ANXA2: variants seen among roughly 807,000 people sequenced by gnomAD.
ANXA2 encodes the protein annexin A2.
Under a neutral mutation model 47.3 loss-of-function variants are expected in ANXA2, and 28 were observed. The observed-to-expected ratio is 0.59, with a 90% confidence interval of 0.44 to 0.81. The LOEUF is 0.81. ANXA2 is among the 40% of genes least tolerant of loss of function. The pLI, the probability that ANXA2 is intolerant of heterozygous loss-of-function variation, is 0.00. For missense variants in ANXA2, 384 were observed against 414.3 expected (o/e 0.93, Z 0.64); for synonymous variants, 172 against 155.5 (o/e 1.11, Z -0.79).
intron 10 of ANXA2, 110 bp downstream of exon 10, chr15:60,351,614 C>T (rs142587777): frequency 2.7e-6 from 2 of 747,372 alleles, no homozygotes; most frequent in East Asian, 4.9e-5. Context: ...CTATCCAAAG[C>T]ATGCATAGAA....
chr15:60,351,560 CTTCAGT>C, intron 10 of ANXA2, 158 bp downstream of exon 10: 1 of 635,672 alleles, frequency 1.6e-6, no homozygotes, highest in South Asian at 2.0e-5. Flanking sequence ...TTAGGCCTTT[CTTCAGT>C]TTTATATTCT....
intron 3 of ANXA2, among the ~76,000 whole-genome samples, chr15:60,365,797 G>A (rs2062586545): frequency 1.3e-5 from 2 of 150,366 alleles, no homozygotes; most frequent in East Asian, 2.0e-4. Flanking sequence ...GAGTAGCCAA[G>A]GTAAACATAG....
At chr15:60,360,882 G>T in intron 5 of ANXA2, 59 bp downstream of exon 5, 1 of 1,079,120 alleles carries the variant, frequency 9.3e-7, no homozygotes, top group Non-Finnish European at 1.4e-6. Flanking sequence ...CACTCAGAAA[G>T]CTGTAATTCA....
At chr15:60,372,087 T>A (rs1421940580) in intron 3 of ANXA2, among the ~76,000 whole-genome samples, 3 of 152,114 alleles carry the variant, frequency 2.0e-5, no homozygotes, top group Admixed American at 2.0e-4. Flanking sequence ...AGACAGAGGT[T>A]GAGGTGAGCC....
At chr15:60,354,745 G>A (rs1024500451) in intron 7 of ANXA2, among the ~76,000 whole-genome samples, 8 of 152,032 alleles carry the variant, frequency 5.3e-5, no homozygotes, top group Admixed American at 2.0e-4. Flanking sequence ...TCCCCCCCTT[G>A]ATACCCAGTC....
intron 3 of ANXA2, among the ~76,000 whole-genome samples, chr15:60,372,704 T>C (rs925663583): frequency 6.6e-6 from 1 of 151,434 alleles, no homozygotes; most frequent in Admixed American, 6.6e-5. Context: ...TTTTTTTTTT[T>C]TTTTTTTTAA....
intron 1 of ANXA2, among the ~76,000 whole-genome samples, chr15:60,397,540 T>G (rs1376922601): frequency 6.6e-6 from 1 of 152,150 alleles, no homozygotes; most frequent in Non-Finnish European, 1.5e-5. Context: ...AAAGCCCACT[T>G]GCTACTGCTG....
At chr15:60,351,682 G>T in intron 10 of ANXA2, 42 bp downstream of exon 10, 1 of 1,317,662 alleles carries the variant, frequency 7.6e-7, no homozygotes, top group Non-Finnish European at 1.1e-6. Flanking sequence ...CTTCTGCTCT[G>T]GTAGCTGATG....
At chr15:60,374,905 A>T (rs924595792) in intron 3 of ANXA2, among the ~76,000 whole-genome samples, 2 of 152,214 alleles carry the variant, frequency 1.3e-5, no homozygotes, top group Non-Finnish European at 2.9e-5. Context: ...GGGCTACGTG[A>T]GTCACAGAAG....
At chr15:60,394,190 A>G (rs1027887156) in intron 1 of ANXA2, among the ~76,000 whole-genome samples, 2 of 152,210 alleles carry the variant, frequency 1.3e-5, no homozygotes, top group Non-Finnish European at 2.9e-5. Flanking sequence ...GCAAGAAGGC[A>G]GCAAAGAGGC....
At chr15:60,375,349 C>A (rs2062762241) in intron 3 of ANXA2, among the ~76,000 whole-genome samples, 1 of 152,076 alleles carries the variant, frequency 6.6e-6, no homozygotes, top group Non-Finnish European at 1.5e-5. Context: ...AGAGAGAGAC[C>A]AAAGCTGTAC....
intron 2 of ANXA2, chr15:60,383,200 C>G (rs966051350): frequency 6.6e-6 from 1 of 152,380 alleles, no homozygotes; most frequent in Non-Finnish European, 1.5e-5. Flanking sequence ...GATCATGGCT[C>G]AGTGCAGCCT....
chr15:60,364,574 G>C (rs1244349526), intron 3 of ANXA2, 51 bp from the exon 4 acceptor site: 7 of 1,447,790 alleles, frequency 4.8e-6, no homozygotes, highest in Non-Finnish European at 6.6e-6. Context: ...TAGTATTTTG[G>C]GCTTACATAG....
At position 60,382,432 on chromosome 15, in the gene ANXA2, G is replaced by T; in HGVS notation, c.58C>A (p.Pro20Thr). Residue 20 changes from proline (P) to threonine (T), a missense_variant, in exon 3 of 13, where the codon CCC becomes ACC. Physicochemically the swap from Pro to Thr is conservative, Grantham distance 38 (BLOSUM62 -1). Coordinates refer to ENST00000451270, the MANE Select transcript of ANXA2 (RefSeq NM_004039.3). ...TTGACAGACCCATATGCACTTGGGGGTGTAGAGTGCTGAGGTTAAAAGATA... is the reference window on the plus strand; with the variant it reads ...TTGACAGACCCATATGCACTTGGGGTTGTAGAGTGCTGAGGTTAAAAGATA... ...KLSLEGDHST[P>T]PSAYGSVKAY... 1.9e-6 allele frequency: 3 copies of T among 1,612,376 alleles called. No individual in the cohort carries two copies. Among genetic ancestry groups the T allele is most frequent in the South Asian group, 2.2e-5 (2 of 91,026 alleles).
intron 3 of ANXA2, 141 bp downstream of exon 3, chr15:60,382,201 T>C (rs2062870891): frequency 1.7e-6 from 1 of 596,456 alleles, no homozygotes; most frequent in East Asian, 2.9e-5. Context: ...AGGCATGGGT[T>C]GAGCTAGGTC....
intron 2 of ANXA2, chr15:60,384,305 C>T (rs1047732603): frequency 3.9e-5 from 6 of 152,160 alleles, no homozygotes; most frequent in Admixed American, 2.0e-4. Flanking sequence ...GGAGATATGT[C>T]GTCTTGTTCC....
intron 3 of ANXA2, among the ~76,000 whole-genome samples, chr15:60,372,605 G>GTACAT: frequency 6.6e-6 from 1 of 151,758 alleles, no homozygotes; most frequent in Admixed American, 6.6e-5. Context: ...TGTAGATTTT[G>GTACAT]GTCCAGTAGA....
At chr15:60,357,120 T>G (rs1195907101) in intron 6 of ANXA2, 26 bp downstream of exon 6, 2 of 1,606,074 alleles carry the variant, frequency 1.2e-6, no homozygotes, top group Non-Finnish European at 1.7e-6. Flanking sequence ...GCTGAGAGGA[T>G]GAATCACAGA....
chr15:60,354,148 A>G lies in ANXA2; in HGVS notation c.588+6T>C. 6.2e-7 allele frequency: 1 copy of G among 1,613,438 alleles called. No homozygotes were observed. Among genetic ancestry groups the G allele is most frequent in the Non-Finnish European group, 8.5e-7 (1 of 1,179,458 alleles). On this transcript the variant is annotated splice_donor_region_variant and intron_variant, in intron 8 of 12. Coordinates refer to ENST00000451270, the MANE Select transcript of ANXA2 (RefSeq NM_004039.3). ...AAAAACTCAAAGCAAAAAGCTCAGC[A>G]CTTACCCGAGCATCTTGGTCAATCA...
Sources: allele counts gnomAD v4.1 joint callset (sites outside exome capture counted in the v4.1 genomes callset), GRCh38; gene constraint gnomAD v4.1.1; transcripts MANE v1.5; gene names NCBI Gene and HGNC (gene_info 2026-07-23, HGNC 2026-07-21).